GOLIM4: variants seen among roughly 807,000 people sequenced by gnomAD.
GOLIM4 encodes golgi integral membrane protein 4, also known as 130 kDa golgi-localized phosphoprotein.
In GOLIM4, 71 loss-of-function variants were observed where a neutral mutation model predicts 107.4. The ratio of observed to expected loss-of-function variants is 0.66; its 90% CI spans 0.55 to 0.81. The LOEUF is 0.81. Among genes scored for constraint, GOLIM4 ranks in the 30% least tolerant of loss-of-function variants. GOLIM4 has a pLI of 0.00. For missense variants in GOLIM4, 830 were observed against 826.1 expected, an observed-to-expected ratio of 1.00 and a Z score of -0.06; for synonymous variants, 327 against 294.8, an observed-to-expected ratio of 1.11 and a Z score of -1.12.
intron 5 of GOLIM4, among the ~76,000 whole-genome samples, chr3:168,042,447 A>C (rs1719069792): frequency 6.6e-6 from 1 of 152,088 alleles, no homozygotes; most frequent in Admixed American, 6.6e-5. Flanking sequence ...TGCCCGGCTA[A>C]TTTTTGTATT....
chr3:168,059,211 T>C (rs1720132933), intron 1 of GOLIM4, among the ~76,000 whole-genome samples: 2 of 152,182 alleles, frequency 1.3e-5, no homozygotes, highest in Admixed American at 1.3e-4. Context: ...CAAGTAATGC[T>C]AGCAAAAAGG....
chr3:168,050,129 C>G (rs1446221065), intron 1 of GOLIM4, among the ~76,000 whole-genome samples: 1 of 152,134 alleles, frequency 6.6e-6, no homozygotes, highest in Non-Finnish European at 1.5e-5. Context: ...GATCCTTTCC[C>G]CCTGCATTAT....
chr3:168,090,480 C>T (rs1400207283), intron 1 of GOLIM4, among the ~76,000 whole-genome samples: 4 of 152,146 alleles, frequency 2.6e-5, no homozygotes, highest in Non-Finnish European at 5.9e-5. Context: ...TACCATCTTA[C>T]ACTAGTCAGA....
At position 168,095,415 on chromosome 3, in the gene GOLIM4, G is replaced by GCCGGC. The variant is rs1200441088; in HGVS notation, c.-135_-131dup. The GCCGGC allele has an allele frequency of 4.1e-6, 3 of 727,952 alleles. No homozygotes were observed. Among genetic ancestry groups the GCCGGC allele is most frequent in the Non-Finnish European group, 6.5e-6 (3 of 459,968 alleles). The allele number at this position is 727,952 out of a possible 1,614,324, so 45.1% of individuals were successfully genotyped here. On this transcript the variant is annotated 5_prime_UTR_variant, in exon 1 of 16. Transcript: ENST00000470487. ...TGAGGAGGAGATGCCAGACACAAAA[G>GCCGGC]CCGGCCCGGAGGGGAAGTGGCGCCC...
At chr3:168,075,750 C>T (rs377326521) in intron 1 of GOLIM4, among the ~76,000 whole-genome samples, 6 of 152,180 alleles carry the variant, frequency 3.9e-5, no homozygotes, top group African/African-American at 1.4e-4. Context: ...CATGTCAAGA[C>T]GACTCATGGG....
intron 1 of GOLIM4, among the ~76,000 whole-genome samples, chr3:168,071,252 A>G (rs1052934789): frequency 6.6e-6 from 1 of 152,198 alleles, no homozygotes; most frequent in Non-Finnish European, 1.5e-5. Flanking sequence ...AGTTCCTTCT[A>G]TCTTTTACTA....
chr3:168,067,868 A>C, intron 1 of GOLIM4, among the ~76,000 whole-genome samples: 1 of 152,090 alleles, frequency 6.6e-6, no homozygotes, highest in East Asian at 1.9e-4. Context: ...ACAACCCTGT[A>C]TTATCGATAT....
intron 14 of GOLIM4, among the ~76,000 whole-genome samples, chr3:168,020,002 A>G (rs1334891832): frequency 1.3e-5 from 2 of 152,128 alleles, no homozygotes; most frequent in African/African-American, 2.4e-5. Flanking sequence ...TATATTCACT[A>G]ATTTCTATAA....
intron 14 of GOLIM4, among the ~76,000 whole-genome samples, chr3:168,017,712 T>G (rs1717451508): frequency 6.6e-6 from 1 of 152,242 alleles, no homozygotes; most frequent in Non-Finnish European, 1.5e-5. Flanking sequence ...GTAGAAATTT[T>G]ATGTATCTAT....
chr3:168,053,213 A>T (rs146065046), intron 1 of GOLIM4, among the ~76,000 whole-genome samples: 1 of 152,226 alleles, frequency 6.6e-6, no homozygotes, highest in Non-Finnish European at 1.5e-5. Context: ...GGCAAAATGC[A>T]TATCTATGCA....
At chr3:168,035,037 CA>C (rs796736692) in intron 8 of GOLIM4, among the ~76,000 whole-genome samples, 2,123 of 66,568 alleles carry the variant, frequency 0.032, 39 homozygotes, top group African/African-American at 0.065. Context: ...AACAATCATA[CA>C]AAAAAAAAAA....
chr3:168,011,531 C>T (rs149425198), intron 14 of GOLIM4, among the ~76,000 whole-genome samples: 8,547 of 151,584 alleles, frequency 0.056, 279 homozygotes, highest in Non-Finnish European at 0.069. Flanking sequence ...TCCAACTGGG[C>T]GGAGCCCACC....
chr3:168,047,999 C>T (rs561416946), intron 2 of GOLIM4, among the ~76,000 whole-genome samples: 2 of 151,566 alleles, frequency 1.3e-5, no homozygotes, highest in South Asian at 2.1e-4. Flanking sequence ...GTAATATACC[C>T]GTTTAATATG....
intron 12 of GOLIM4, among the ~76,000 whole-genome samples, chr3:168,025,922 C>T (rs945036227): frequency 1.1e-4 from 16 of 152,170 alleles, no homozygotes; most frequent in Admixed American, 8.5e-4. Flanking sequence ...GATTTTAGAG[C>T]CTGAGATGGA....
At chr3:168,089,949 G>T (rs1218603051) in intron 1 of GOLIM4, among the ~76,000 whole-genome samples, 2 of 152,020 alleles carry the variant, frequency 1.3e-5, no homozygotes, top group Non-Finnish European at 2.9e-5. Flanking sequence ...TGTATTTTTA[G>T]TAGAGATGAG....
intron 1 of GOLIM4, among the ~76,000 whole-genome samples, chr3:168,083,487 T>C (rs746711993): frequency 9.2e-5 from 14 of 152,336 alleles, no homozygotes; most frequent in Non-Finnish European, 1.8e-4. Context: ...AAGAGTCACG[T>C]GGATTTTTAA....
chr3:168,061,969 G>C (rs1252579883), intron 1 of GOLIM4, among the ~76,000 whole-genome samples: 4 of 152,224 alleles, frequency 2.6e-5, no homozygotes, highest in African/African-American at 9.6e-5. Context: ...GTACTTTTGT[G>C]AATGTATAAT....
intron 1 of GOLIM4, among the ~76,000 whole-genome samples, chr3:168,078,746 TATAA>T (rs2108286226): frequency 6.6e-6 from 1 of 152,288 alleles, no homozygotes; most frequent in African/African-American, 2.4e-5. Flanking sequence ...ATTGTATTTT[TATAA>T]ATAAATAATC....
At chr3:168,060,837 T>G (rs763443768) in intron 1 of GOLIM4, among the ~76,000 whole-genome samples, 1 of 152,102 alleles carries the variant, frequency 6.6e-6, no homozygotes, top group South Asian at 2.1e-4. Context: ...CAATACTATG[T>G]TTAGCATAGG....
Sources: gnomAD v4.1 joint callset for allele counts (sites outside exome capture counted in the v4.1 genomes callset) on GRCh38, gnomAD v4.1.1 for gene constraint, MANE v1.5 for transcripts, NCBI Gene and HGNC (gene_info 2026-07-23, HGNC 2026-07-21) for gene names.